Variants in ATG7 observed in about 807,000 individuals in gnomAD.
The protein encoded by ATG7 is ubiquitin-like modifier-activating enzyme ATG7.
Under a neutral mutation model 82.4 loss-of-function variants are expected in ATG7, and 70 were observed. The ratio of observed to expected loss-of-function variants is 0.85; its 90% CI spans 0.70 to 1.04. ATG7 has a LOEUF of 1.04. ATG7 is among the 50% of genes least tolerant of loss of function. The probability of loss-of-function intolerance (pLI) is 0.00; values close to 1 mark genes in which losing one functional copy is unlikely to be tolerated. For missense variants in ATG7, 792 were observed against 864.3 expected (o/e 0.92, Z 1.05); for synonymous variants, 287 against 313.0 (o/e 0.92, Z 0.88).
intron 9 of ATG7, among the ~76,000 whole-genome samples, chr3:11,330,280 C>G (rs6442249): frequency 1 from 152,355 of 152,356 alleles, 76,177 homozygotes; most frequent in Non-Finnish European, 1. Flanking sequence ...TCTGAAGAGG[C>G]CAGTATTTGC....
chr3:11,560,527 G>C (rs1358632225), downstream of ATG7, among the ~76,000 whole-genome samples: 1 of 152,208 alleles, frequency 6.6e-6, no homozygotes, highest in Non-Finnish European at 1.5e-5. Flanking sequence ...CTGGTATAAA[G>C]ACACAAAAGG....
chr3:11,286,583 CTTTTTTTTTTTTTT>C (rs5846700), intron 3 of ATG7, among the ~76,000 whole-genome samples: 6 of 66,968 alleles, frequency 9.0e-5, no homozygotes, highest in African/African-American at 4.1e-4. Context: ...TTCTTTCTTT[CTTTTTTTTTTTTTT>C]TTTTTTTTTT....
At chr3:11,547,649 G>A (rs1435063751) in intron 20 of ATG7, among the ~76,000 whole-genome samples, 1 of 152,140 alleles carries the variant, frequency 6.6e-6, no homozygotes, top group East Asian at 1.9e-4. Flanking sequence ...AACGTATGAA[G>A]GTTCTAGTTT....
In ATG7 at chr3:11,555,681, T is replaced by TACCA. The variant is rs751670665; in HGVS notation, c.*839_*842dup. 9.2e-5 allele frequency: 14 copies of TACCA among 152,300 alleles called. No homozygotes were observed. The highest frequency in any genetic ancestry group is 1.6e-4 in the Non-Finnish European group (11 of 68,162). 9.4% of individuals were successfully genotyped at this position (152,300 alleles called of 1,614,324 possible). A position where few individuals can be genotyped will look rare whatever the true frequency, so the allele number is the denominator to read the frequency against. ...AGCCGAGGGAGGGGTCAGACGGCTC[T>TACCA]ACCATGGGTAACTCAGGCAAGAGCT... On this transcript the variant is annotated 3_prime_UTR_variant, in exon 21 of 21. Transcript: ENST00000693202.
chr3:11,513,241 G>A (rs1398250641), intron 20 of ATG7, among the ~76,000 whole-genome samples: 4 of 152,254 alleles, frequency 2.6e-5, no homozygotes, highest in African/African-American at 4.8e-5. Flanking sequence ...TGCGCCGTGC[G>A]TCTGCACTCC....
At chr3:11,545,117 C>T (rs973379872) in intron 20 of ATG7, among the ~76,000 whole-genome samples, 1 of 152,048 alleles carries the variant, frequency 6.6e-6, no homozygotes, top group Non-Finnish European at 1.5e-5. Context: ...CAGGAGGCTG[C>T]GGCCGCTGGA....
chr3:11,331,479 G>GT, intron 10 of ATG7, 51 bp downstream of exon 10: 1 of 1,354,946 alleles, frequency 7.4e-7, no homozygotes, highest in Non-Finnish European at 1.1e-6. Flanking sequence ...GCCAGTATAT[G>GT]TTTTACAATG....
intron 19 of ATG7, among the ~76,000 whole-genome samples, chr3:11,421,666 C>T (rs2081954289): frequency 6.6e-6 from 1 of 152,158 alleles, no homozygotes; most frequent in Non-Finnish European, 1.5e-5. Context: ...CCATGAATCA[C>T]GAATACTCGT....
intron 20 of ATG7, among the ~76,000 whole-genome samples, chr3:11,430,959 T>G (rs1395183362): frequency 1.3e-5 from 2 of 152,246 alleles, no homozygotes; most frequent in Admixed American, 1.3e-4. Context: ...TAGGGCGTTC[T>G]AGACTGAATA....
rs1343192524 is a variant in ATG7, at chr3:11,342,655, A to G, written c.1125+376A>G. Among the ~76,000 whole-genome samples, 7 of 152,204 alleles carry G rather than the reference A, an allele frequency of 4.6e-5. No individual in the cohort carries two copies. In the East Asian group the frequency reaches 1.2e-3, roughly 25 times the overall value. ...TATCTATAACAGGTTTTTATTTTTA[A>G]CTAGATAGAAAAATGACTGTAGCTA... On this transcript the variant is annotated intron_variant, in intron 13 of 20. Coordinates refer to ENST00000693202, the MANE Select transcript of ATG7 (RefSeq NM_001349232.2).
chr3:11,287,495 G>A (rs959692363), intron 3 of ATG7, among the ~76,000 whole-genome samples: 3 of 152,176 alleles, frequency 2.0e-5, no homozygotes, highest in African/African-American at 7.2e-5. Flanking sequence ...ACAGGGCCGT[G>A]GGGTAGAACT....
intron 20 of ATG7, among the ~76,000 whole-genome samples, chr3:11,520,515 C>T (rs1303874066): frequency 6.6e-6 from 1 of 152,154 alleles, no homozygotes; most frequent in African/African-American, 2.4e-5. Flanking sequence ...GGCACCATAC[C>T]GGATGGGCTG....
At chr3:11,573,036 G>T in the ATG7 span, among the ~76,000 whole-genome samples, 3 of 151,648 alleles carry the variant, frequency 2.0e-5, no homozygotes, top group African/African-American at 4.9e-5. Flanking sequence ...CTTGGTGGTG[G>T]GCGCCTGTAA....
chr3:11,529,927 C>T (rs541497313), intron 20 of ATG7, among the ~76,000 whole-genome samples: 2 of 152,328 alleles, frequency 1.3e-5, no homozygotes, highest in East Asian at 1.9e-4. Context: ...GACCCATCTG[C>T]ACCACCATCC....
intron 20 of ATG7, among the ~76,000 whole-genome samples, chr3:11,492,360 G>C (rs1245763175): frequency 6.6e-6 from 1 of 152,196 alleles, no homozygotes; most frequent in Non-Finnish European, 1.5e-5. Context: ...TGCGCCCACT[G>C]TCTGGCACTC....
chr3:11,346,723 A>C (rs1439811834), intron 13 of ATG7, among the ~76,000 whole-genome samples: 1 of 152,240 alleles, frequency 6.6e-6, no homozygotes, highest in East Asian at 1.9e-4. Context: ...AGAAATAAAC[A>C]TTCCCAAAGC....
At chr3:11,408,572 G>T (rs1293469776) in intron 19 of ATG7, among the ~76,000 whole-genome samples, 7 of 152,194 alleles carry the variant, frequency 4.6e-5, no homozygotes, top group Non-Finnish European at 1.0e-4. Context: ...AAATTAAGAG[G>T]TTTATTGGAC....
chr3:11,339,087 G>A (rs1443196349), intron 11 of ATG7, among the ~76,000 whole-genome samples: 1 of 152,050 alleles, frequency 6.6e-6, no homozygotes, highest in East Asian at 1.9e-4. Flanking sequence ...ACGAGGTCAG[G>A]AGATCAAGAC....
intron 20 of ATG7, among the ~76,000 whole-genome samples, chr3:11,459,819 G>GT (rs2086130944): frequency 1.3e-5 from 2 of 152,184 alleles, no homozygotes; most frequent in Non-Finnish European, 2.9e-5. Flanking sequence ...TTTACTAGTT[G>GT]TTTGGTAGAC....
Sources: gnomAD v4.1 joint callset for allele counts (sites outside exome capture counted in the v4.1 genomes callset) on GRCh38, gnomAD v4.1.1 for gene constraint, MANE v1.5 for transcripts, NCBI Gene and HGNC (gene_info 2026-07-23, HGNC 2026-07-21) for gene names.